Variants in PSD3 observed in about 807,000 individuals in gnomAD.
PSD3 encodes PH and SEC7 domain-containing protein 3.
In PSD3, 49 loss-of-function variants were observed where a neutral mutation model predicts 105.5. The ratio of observed to expected loss-of-function variants is 0.46; its 90% CI spans 0.37 to 0.59. PSD3 has a LOEUF of 0.59. Ranked by LOEUF, PSD3 falls within the 20% of genes least tolerant of loss-of-function variation. The pLI is 0.00. For missense variants in PSD3, 1,561 were observed against 1,263.8 expected (o/e 1.24, Z -3.57); for synonymous variants, 557 against 457.8 (o/e 1.22, Z -2.77).
At chr8:18,925,578 G>A (rs1821310241) in intron 2 of PSD3, among the ~76,000 whole-genome samples, 1 of 152,142 alleles carries the variant, frequency 6.6e-6, no homozygotes, top group East Asian at 1.9e-4. Flanking sequence ...GAGTGCCAAC[G>A]TAACACAAGC....
chr8:19,071,437 T>A (rs1361614156), intron 1 of PSD3, among the ~76,000 whole-genome samples: 1 of 152,170 alleles, frequency 6.6e-6, no homozygotes, highest in African/African-American at 2.4e-5. Flanking sequence ...TCTTCTGCCC[T>A]GTTTATGGCT....
intron 1 of PSD3, among the ~76,000 whole-genome samples, chr8:18,940,789 C>T (rs1200958995): frequency 6.6e-6 from 1 of 152,090 alleles, no homozygotes; most frequent in South Asian, 2.1e-4. Context: ...AGATATAATC[C>T]CTGGGTCTGG....
chr8:18,836,850 G>C (rs6586770), intron 4 of PSD3, among the ~76,000 whole-genome samples: 99,435 of 151,754 alleles, frequency 0.66, 32,916 homozygotes, highest in African/African-American at 0.7. Flanking sequence ...CCCCTGACCC[G>C]CCCAATATTT....
chr8:18,875,075 T>C (rs1365754438), intron 2 of PSD3, among the ~76,000 whole-genome samples: 2 of 152,158 alleles, frequency 1.3e-5, no homozygotes, highest in Non-Finnish European at 2.9e-5. Context: ...TGCACCATCA[T>C]GTCCAGCTAA....
chr8:18,927,400 G>C lies in PSD3; in HGVS notation c.130+8634C>G, dbSNP rs181595424. Among the ~76,000 whole-genome samples, 613 of 152,206 alleles carry C rather than the reference G, an allele frequency of 4.0e-3. 5 individuals carry two copies. Among genetic ancestry groups the C allele is most frequent in the Non-Finnish European group, 6.1e-3 (412 of 68,026 alleles). On this transcript the variant is annotated intron_variant, in intron 2 of 15. Transcript: ENST00000327040. ...GGCTAATTTTTGCATTCTTAGGAGA[G>C]ACAGGGTTTCATCACGTTGGTCAAG...
chr8:18,706,823 G>A (rs1471430508), intron 9 of PSD3, among the ~76,000 whole-genome samples: 1 of 152,154 alleles, frequency 6.6e-6, no homozygotes, highest in Non-Finnish European at 1.5e-5. Flanking sequence ...AACCTTCTGA[G>A]TATACCATAT....
chr8:19,073,151 T>TA (rs1433080871), intron 1 of PSD3, among the ~76,000 whole-genome samples: 2 of 59,022 alleles, frequency 3.4e-5, no homozygotes, highest in South Asian at 1.3e-3. Context: ...CCCATTTTTT[T>TA]TCCCATAAGG....
At chr8:18,710,933 T>A (rs1357764673) in intron 9 of PSD3, among the ~76,000 whole-genome samples, 2 of 152,068 alleles carry the variant, frequency 1.3e-5, no homozygotes, top group African/African-American at 4.8e-5. Context: ...TCTGCCCAAC[T>A]CGGCCTCCCA....
chr8:18,785,371 T>G (rs1809042112), intron 8 of PSD3, among the ~76,000 whole-genome samples: 1 of 152,212 alleles, frequency 6.6e-6, no homozygotes, highest in Non-Finnish European at 1.5e-5. Flanking sequence ...ACACTTTCTT[T>G]CCTAAAACTT....
intron 15 of PSD3, among the ~76,000 whole-genome samples, chr8:18,551,667 T>C (rs1341492986): frequency 6.6e-6 from 1 of 152,178 alleles, no homozygotes; most frequent in Non-Finnish European, 1.5e-5. Flanking sequence ...TGGGTCGCAA[T>C]TCAGGAGTGG....
intron 9 of PSD3, among the ~76,000 whole-genome samples, chr8:18,686,040 C>A (rs1262708845): frequency 1.3e-5 from 2 of 151,900 alleles, no homozygotes; most frequent in Non-Finnish European, 2.9e-5. Context: ...AACAAACAAA[C>A]AACAACAACA....
intron 8 of PSD3, among the ~76,000 whole-genome samples, chr8:18,771,977 A>G (rs555560410): frequency 6.6e-6 from 1 of 152,296 alleles, no homozygotes; most frequent in East Asian, 1.9e-4. Context: ...AAATGGAATC[A>G]TATTTTTTCT....
chr8:18,667,667 G>A (rs560684920), intron 9 of PSD3, among the ~76,000 whole-genome samples: 14 of 152,346 alleles, frequency 9.2e-5, no homozygotes, highest in Admixed American at 7.2e-4. Flanking sequence ...CGCCAGTCCC[G>A]CCGTGTGCCT....
intron 1 of PSD3, among the ~76,000 whole-genome samples, chr8:19,066,612 C>T (rs945467725): frequency 1.3e-5 from 2 of 152,242 alleles, no homozygotes; most frequent in African/African-American, 2.4e-5. Context: ...TGGTGTGCAG[C>T]TACCTGTACT....
At chr8:18,592,205 T>A (rs559999696) in intron 12 of PSD3, among the ~76,000 whole-genome samples, 1 of 151,970 alleles carries the variant, frequency 6.6e-6, no homozygotes, top group Non-Finnish European at 1.5e-5. Context: ...GGGAACTAAA[T>A]AGATATTTTC....
chr8:18,774,559 C>T, intron 8 of PSD3: 1 of 326,056 alleles, frequency 3.1e-6, no homozygotes, highest in Non-Finnish European at 5.9e-6. Context: ...ATGCCTAGAC[C>T]TCTTACTTCT....
intron 4 of PSD3, among the ~76,000 whole-genome samples, chr8:18,819,742 C>T (rs1243772327): frequency 6.6e-6 from 1 of 152,070 alleles, no homozygotes; most frequent in African/African-American, 2.4e-5. Flanking sequence ...CCACGCCCAG[C>T]TAATTTTTGT....
At chr8:18,771,266 C>G (rs1807501610) in intron 8 of PSD3, among the ~76,000 whole-genome samples, 1 of 151,980 alleles carries the variant, frequency 6.6e-6, no homozygotes, top group Middle Eastern at 3.2e-3. Flanking sequence ...GGCTTTTCAG[C>G]TTGAGGGTGC....
At chr8:18,846,780 A>T (rs1815124067) in intron 4 of PSD3, among the ~76,000 whole-genome samples, 1 of 152,108 alleles carries the variant, frequency 6.6e-6, no homozygotes, top group Admixed American at 6.5e-5. Context: ...ACATCTCTCT[A>T]GGGGTCTTGC....
Sources: allele counts gnomAD v4.1 joint callset (sites outside exome capture counted in the v4.1 genomes callset), GRCh38; gene constraint gnomAD v4.1.1; transcripts MANE v1.5; gene names NCBI Gene and HGNC (gene_info 2026-07-23, HGNC 2026-07-21).